DZIP1L: variants seen among roughly 807,000 people sequenced by gnomAD.
The protein encoded by DZIP1L is DAZ interacting zinc finger protein 1 like.
Under a neutral mutation model 88.7 loss-of-function variants are expected in DZIP1L, and 90 were observed. That is an observed-to-expected ratio of 1.02 (90% confidence interval 0.86 to 1.21). The LOEUF (loss-of-function observed/expected upper bound fraction) is 1.21, where lower values mean the gene tolerates loss of function less well. Among genes scored for constraint, DZIP1L ranks in the 50% most tolerant of loss-of-function variants. DZIP1L has a pLI of 0.00. For synonymous variants in DZIP1L, 363 were observed against 372.1 expected (o/e 0.98, Z 0.28); for missense variants, 932 against 955.8 (o/e 0.98, Z 0.33).
chr3:138,095,624 CA>C (rs1261061508), intron 3 of DZIP1L, among the ~76,000 whole-genome samples: 1 of 151,510 alleles, frequency 6.6e-6, no homozygotes, highest in East Asian at 1.9e-4. Flanking sequence ...ACTAAAAATA[CA>C]AAAAAAATTA....
chr3:138,104,181 G>C, intron 1 of DZIP1L, 129 bp from the exon 2 acceptor site: 1 of 848,256 alleles, frequency 1.2e-6, no homozygotes, highest in Non-Finnish European at 1.8e-6. Flanking sequence ...TTCATGGTGT[G>C]TGCTGACATG....
At chr3:138,101,354 T>C in intron 2 of DZIP1L, 1 of 618,334 alleles carries the variant, frequency 1.6e-6, no homozygotes. Flanking sequence ...GCAGGTGGGT[T>C]GAGGGCTAGG....
At chr3:138,114,267 A>G (rs1444056151) in intron 1 of DZIP1L, among the ~76,000 whole-genome samples, 1 of 152,134 alleles carries the variant, frequency 6.6e-6, no homozygotes, top group Non-Finnish European at 1.5e-5. Context: ...TGAGCAAAAA[A>G]CCTTTGACCA....
chr3:138,076,887 T>C (rs1943438190), intron 11 of DZIP1L, among the ~76,000 whole-genome samples: 1 of 152,090 alleles, frequency 6.6e-6, no homozygotes, highest in Non-Finnish European at 1.5e-5. Flanking sequence ...ACACCACCTG[T>C]TCCCCAAAAA....
At chr3:138,076,504 C>T (rs1280099917) in intron 11 of DZIP1L, among the ~76,000 whole-genome samples, 1 of 152,164 alleles carries the variant, frequency 6.6e-6, no homozygotes, top group Non-Finnish European at 1.5e-5. Flanking sequence ...AAATGTGGAA[C>T]CAGCCTAAAT....
intron 7 of DZIP1L, among the ~76,000 whole-genome samples, chr3:138,086,519 C>G (rs1559842747): frequency 6.6e-6 from 1 of 152,180 alleles, no homozygotes. Context: ...GTTCACTGTT[C>G]TCAGTATCTA....
chr3:138,103,974 G>A lies in DZIP1L; in HGVS notation c.-3C>T, dbSNP rs1258636975. The A allele has an allele frequency of 1.2e-6, 2 of 1,607,730 alleles. No homozygotes were observed. The highest frequency in any genetic ancestry group is 1.7e-6 in the Non-Finnish European group (2 of 1,178,580). ...GCAGTGGCAGCTGGGGACTGCATGGGCAGAGGAAGCCCTGAGCTGACCACC... is the reference window on the plus strand; with the variant it reads ...GCAGTGGCAGCTGGGGACTGCATGGACAGAGGAAGCCCTGAGCTGACCACC... On this transcript the variant is annotated 5_prime_UTR_variant, in exon 2 of 16. Coordinates refer to ENST00000327532, the MANE Select transcript of DZIP1L (RefSeq NM_173543.3).
chr3:138,087,128 T>C, intron 6 of DZIP1L, 105 bp from the exon 7 acceptor site: 1 of 943,768 alleles, frequency 1.1e-6, no homozygotes, highest in Non-Finnish European at 1.6e-6. Context: ...GCAGACAGAG[T>C]AGTGGAATAG....
Position 138,089,317 on chromosome 3 carries a change from C to T in DZIP1L, c.871-810G>A, listed in dbSNP as rs903635026. ...CTTGATCAGATGTATGCACAACTCC[C>T]GGGTTCTAATGTGTCACTCCTGGTT... On this transcript the variant is annotated intron_variant, in intron 5 of 15. Transcript: ENST00000327532. 5.1e-6 allele frequency: 5 copies of T among 975,218 alleles called. No homozygotes were observed. In the South Asian group the frequency reaches 1.9e-4, roughly 37 times the overall value. The allele number at this position is 975,218 out of a possible 1,614,324, so 60.4% of individuals were successfully genotyped here. A position where few individuals can be genotyped will look rare whatever the true frequency, so the allele number is the denominator to read the frequency against.
At chr3:138,104,489 C>T (rs1334865043) in intron 1 of DZIP1L, among the ~76,000 whole-genome samples, 2 of 152,238 alleles carry the variant, frequency 1.3e-5, no homozygotes, top group African/African-American at 4.8e-5. Context: ...CTTCTGCAAC[C>T]CTATTTTTAT....
intron 12 of DZIP1L, among the ~76,000 whole-genome samples, chr3:138,070,977 A>AC (rs1289932605): frequency 6.6e-6 from 1 of 152,236 alleles, no homozygotes; most frequent in East Asian, 1.9e-4. Flanking sequence ...GTCCTGGTCC[A>AC]CAGAATTTCG....
chr3:138,108,074 C>T, intron 1 of DZIP1L: 1 of 307,410 alleles, frequency 3.3e-6, no homozygotes, highest in Non-Finnish European at 4.8e-6. Flanking sequence ...AGCTCTGCCT[C>T]CCAGGTTCAC....
In DZIP1L at chr3:138,062,570, A is replaced by G; in HGVS notation, c.*246T>C. ...AGGAAGAAAACTACCTGGAGGTTCT[A>G]TTTTAACCCTTTCTCAAGCCTGGGG... On this transcript the variant is annotated 3_prime_UTR_variant, in exon 16 of 16. Coordinates refer to ENST00000327532, the MANE Select transcript of DZIP1L (RefSeq NM_173543.3). 1 of 454,710 alleles carries G rather than the reference A, an allele frequency of 2.2e-6. No individual in the cohort carries two copies. Among genetic ancestry groups the G allele is most frequent in the Admixed American group, 3.3e-5 (1 of 30,444 alleles). The allele number at this position is 454,710 out of a possible 1,614,324, so 28.2% of individuals were successfully genotyped here.
chr3:138,112,579 C>T (rs1406606896), intron 1 of DZIP1L: 4 of 152,214 alleles, frequency 2.6e-5, no homozygotes, highest in Admixed American at 6.5e-5. Context: ...GGGGCAAGGA[C>T]ATCGTGCTTT....
chr3:138,089,423 AC>A (rs1169302612), intron 5 of DZIP1L, among the ~76,000 whole-genome samples: 25 of 151,874 alleles, frequency 1.6e-4, no homozygotes, highest in Non-Finnish European at 2.9e-4. Flanking sequence ...TTAGCTAGAC[AC>A]TCCCTTGGCA....
Position 138,062,938 on chromosome 3 carries a change from C to G in DZIP1L, c.2182G>C (p.Glu728Gln), listed in dbSNP as rs189060326. The change falls in exon 16 of 16, where the codon GAA becomes CAA. Residue 728 changes from glutamate (E) to glutamine (Q), a missense_variant. Glu to Gln is a conservative substitution (Grantham distance 29). Transcript: ENST00000327532. ...DESDLEISSL[E>Q]DLPLDLDQRE... Reference sequence around the variant, plus strand: ...TGGTCCAGGTCCAGAGGAAGATCTTCCAAGGAGGAGATCTCCAAGTCACTC... The same window carrying G: ...TGGTCCAGGTCCAGAGGAAGATCTTGCAAGGAGGAGATCTCCAAGTCACTC... The G allele has an allele frequency of 1.9e-6, 3 of 1,614,106 alleles. No homozygotes were observed. Among genetic ancestry groups the G allele is most frequent in the Non-Finnish European group, 8.5e-7 (1 of 1,180,030 alleles).
rs779878262 is a variant in DZIP1L at position 138,071,802 on chromosome 3, G to A, written c.1456C>T (p.His486Tyr). 7 of 1,613,986 alleles carry A rather than the reference G, an allele frequency of 4.3e-6. No individual in the cohort carries two copies. The highest frequency in any genetic ancestry group is 1.1e-5 in the South Asian group (1 of 91,068). Residue 486 changes from histidine (H) to tyrosine (Y), a missense_variant, in exon 12 of 16, where the codon CAC becomes TAC. By Grantham distance (83) the His-to-Tyr change is moderately conservative (BLOSUM62 2). Coordinates refer to ENST00000327532, the MANE Select transcript of DZIP1L (RefSeq NM_173543.3). ...AKGISIQTLR[H>Y]LESLLRVQRE... is the part of the protein sequence containing the mutation. ...TGGACTCTCAGCAGGGATTCCAGGTGTCTGAGAGTCTGAATCGAGATTCCC... is the reference window on the plus strand; with the variant it reads ...TGGACTCTCAGCAGGGATTCCAGGTATCTGAGAGTCTGAATCGAGATTCCC...
intron 1 of DZIP1L, among the ~76,000 whole-genome samples, chr3:138,107,463 A>T (rs1296630905): frequency 6.6e-6 from 1 of 152,182 alleles, no homozygotes; most frequent in Non-Finnish European, 1.5e-5. Context: ...TATTGGACTT[A>T]AGCTTCCAGA....
At chr3:138,092,212 C>A (rs928761489) in intron 5 of DZIP1L, 171 bp downstream of exon 5, 1 of 648,708 alleles carries the variant, frequency 1.5e-6, no homozygotes, top group African/African-American at 1.9e-5. Flanking sequence ...AGCAGTGATT[C>A]AACCCCAAGG....
Sources: gnomAD v4.1 joint callset for allele counts (sites outside exome capture counted in the v4.1 genomes callset) on GRCh38, gnomAD v4.1.1 for gene constraint, MANE v1.5 for transcripts, NCBI Gene and HGNC (gene_info 2026-07-23, HGNC 2026-07-21) for gene names.